Variants in ADCY7 observed in about 807,000 individuals in gnomAD.
ADCY7 encodes adenylate cyclase 7, also known as adenylate cyclase type 7.
In ADCY7, 72 loss-of-function variants were observed where a neutral mutation model predicts 120.6. The ratio of observed to expected loss-of-function variants is 0.60; its 90% CI spans 0.49 to 0.73. The LOEUF is 0.73. Among genes scored for constraint, ADCY7 ranks in the 30% least tolerant of loss-of-function variants. The pLI, the probability that ADCY7 is intolerant of heterozygous loss-of-function variation, is 0.00. For missense variants in ADCY7, 1,227 were observed against 1,486.0 expected (o/e 0.83, Z 2.87); for synonymous variants, 661 against 628.0 (o/e 1.05, Z -0.78).
intron 1 of ADCY7, among the ~76,000 whole-genome samples, chr16:50,287,429 T>C (rs1020993830): frequency 1.1e-4 from 16 of 151,446 alleles, no homozygotes; most frequent in Non-Finnish European, 1.9e-4. Context: ...GGCTCATGCC[T>C]GTTATCCCAG....
chr16:50,269,320 A>T (rs1056912674), intron 1 of ADCY7, among the ~76,000 whole-genome samples: 3 of 152,176 alleles, frequency 2.0e-5, no homozygotes, highest in Non-Finnish European at 4.4e-5. Flanking sequence ...GGGCCAGCAC[A>T]CTGTGTCTTT....
intron 20 of ADCY7, 76 bp downstream of exon 20, chr16:50,311,862 T>TG: frequency 8.4e-7 from 1 of 1,186,784 alleles, no homozygotes. Flanking sequence ...TGGGGTGGGG[T>TG]GGGGTGGGCT....
chr16:50,259,750 A>G (rs1221904531), intron 1 of ADCY7, among the ~76,000 whole-genome samples: 1 of 152,166 alleles, frequency 6.6e-6, no homozygotes, highest in Non-Finnish European at 1.5e-5. Flanking sequence ...TACTTAGAAT[A>G]TGTGTTCATT....
chr16:50,257,182 C>T (rs561958110), intron 1 of ADCY7, among the ~76,000 whole-genome samples: 3 of 152,084 alleles, frequency 2.0e-5, no homozygotes, highest in African/African-American at 4.8e-5. Flanking sequence ...GAGTTCAAAA[C>T]GCATGGGCAA....
chr16:50,253,049 G>A lies in ADCY7; in HGVS notation c.-64+6846G>A, dbSNP rs114224500. Among the ~76,000 whole-genome samples the A allele has an allele frequency of 6.4e-3, 973 of 152,256 alleles. 12 individuals carry two copies. The highest frequency in any genetic ancestry group is 0.022 in the African/African-American group (932 of 41,550). ...GGGTGTGGAGTTGGGGGTCAGGGAG[G>A]TTAAAGTGTTACAGACATCAGCAGC... On this transcript the variant is annotated intron_variant, in intron 1 of 4. Coordinates refer to the ADCY7 transcript ENST00000564044.
In ADCY7 at chr16:50,288,108, G is replaced by T. The variant is rs1316480545; in HGVS notation, c.-72G>T. Reference sequence around the variant, plus strand: ...CCTAGGCCCACGGGGGAGGGTGTTGGCAGACAGATGCCCTCCAGGCCCTGG... The same window carrying T: ...CCTAGGCCCACGGGGGAGGGTGTTGTCAGACAGATGCCCTCCAGGCCCTGG... On this transcript the variant is annotated 5_prime_UTR_variant, in exon 2 of 26. Coordinates refer to ENST00000673801, the MANE Select transcript of ADCY7 (RefSeq NM_001114.5). The T allele has an allele frequency of 6.8e-7, 1 of 1,469,194 alleles. No homozygotes were observed. The highest frequency in any genetic ancestry group is 1.4e-5 in the African/African-American group (1 of 70,806). The allele number at this position is 1,469,194 out of a possible 1,614,324, so 91.0% of individuals were successfully genotyped here.
In ADCY7 at chr16:50,297,954, G is replaced by A. The variant is rs1200123642; in HGVS notation, c.949-950G>A. Among the ~76,000 whole-genome samples, 1 of 152,052 alleles carries A rather than the reference G, an allele frequency of 6.6e-6. No individual in the cohort carries two copies. Among genetic ancestry groups the A allele is most frequent in the Admixed American group, 6.5e-5 (1 of 15,272 alleles). ...CTAAAGCCCCACCCATGAGGCCTCG[G>A]TGCATGTGGCCACCCTTGCTGAGGG... On this transcript the variant is annotated intron_variant, in intron 7 of 25. Transcript: ENST00000673801. The surrounding 1 kb of genome is among the most constrained non-coding windows in gnomAD (Gnocchi z 4.4).
intron 1 of ADCY7, among the ~76,000 whole-genome samples, chr16:50,287,473 A>G (rs2034650647): frequency 6.6e-6 from 1 of 151,798 alleles, no homozygotes; most frequent in Non-Finnish European, 1.5e-5. Context: ...GGATTGCTTG[A>G]GCCCACGAGT....
chr16:50,253,651 C>G (rs542367395), intron 1 of ADCY7, among the ~76,000 whole-genome samples: 1 of 152,302 alleles, frequency 6.6e-6, no homozygotes, highest in East Asian at 1.9e-4. Flanking sequence ...GGGCACTGAG[C>G]GCTTTCCACT....
At chr16:50,300,666 T>C in intron 8 of ADCY7, 49 bp from the exon 9 acceptor site, 1 of 1,543,920 alleles carries the variant, frequency 6.5e-7, no homozygotes, top group Non-Finnish European at 8.8e-7. Context: ...AGCTTCAGCC[T>C]GTCCCAGGGC....
In ADCY7 at chr16:50,312,146, G is replaced by A; in HGVS notation, c.2559G>A (p.Leu853=). The part of the protein sequence containing the change: ...NVNRLLLENV[L]PAHVAAHFIG... ...ACCGCCTTCTTCTGGAGAACGTCCTGCCAGCCCACGTGGCTGCCCACTTTA... is the reference window on the plus strand; with the variant it reads ...ACCGCCTTCTTCTGGAGAACGTCCTACCAGCCCACGTGGCTGCCCACTTTA... The change falls in exon 21 of 26, where the codon CTG becomes CTA. Residue 853 remains leucine (L), a synonymous_variant. Transcript: ENST00000673801. 2 of 1,614,232 alleles carry A rather than the reference G, an allele frequency of 1.2e-6. No individual in the cohort carries two copies. Among genetic ancestry groups the A allele is most frequent in the Middle Eastern group, 1.6e-4 (1 of 6,062 alleles).
chr16:50,314,043 C>T lies in ADCY7; in HGVS notation c.2837C>T (p.Ala946Val), dbSNP rs771400923. 23 of 1,614,074 alleles carry T rather than the reference C, an allele frequency of 1.4e-5. No homozygotes were observed. The East Asian group carries it at 4.9e-4, about 34-fold the overall frequency. Residue 946 changes from alanine to valine, a missense_variant, in exon 23 of 26, where the codon GCC becomes GTC. By Grantham distance (64) the Ala-to-Val change is moderately conservative. Transcript: ENST00000673801. Reference protein sequence around the residue: ...TYMAAAGLSVASGHENQELER... With the variant: ...TYMAAAGLSVVSGHENQELER... Reference sequence around the variant, plus strand: ...ATGGCAGCTGCAGGGCTCAGCGTCGCCTCAGGGCACGAGAACCAGGTACTC... The same window carrying T: ...ATGGCAGCTGCAGGGCTCAGCGTCGTCTCAGGGCACGAGAACCAGGTACTC...
chr16:50,286,070 C>T (rs2034561114), intron 1 of ADCY7, among the ~76,000 whole-genome samples: 1 of 151,978 alleles, frequency 6.6e-6, no homozygotes, highest in Non-Finnish European at 1.5e-5. Flanking sequence ...GGCTTGCAGA[C>T]ATCTGAAATT....
chr16:50,296,502 G>T (rs984423277), intron 7 of ADCY7, among the ~76,000 whole-genome samples: 1 of 151,926 alleles, frequency 6.6e-6, no homozygotes, highest in Non-Finnish European at 1.5e-5. Flanking sequence ...GACTACAGGC[G>T]CCTGCCACCA....
rs1427153698 is a variant in ADCY7, at chr16:50,290,616, C to A, written c.331C>A (p.Leu111Met). The change falls in exon 3 of 26, where the codon CTG becomes ATG. Residue 111 changes from leucine (L) to methionine (M), a missense_variant. Transcript: ENST00000673801. ...WACLVALGYVLVFDAWTKAAC... is the reference protein window; with the variant it reads ...WACLVALGYVMVFDAWTKAAC... ...CTGCTTGGTGGCGCTGGGCTATGTG[C>A]TGGTGTTCGACGCATGGACAAAGGC... The A allele has an allele frequency of 6.2e-7, 1 of 1,614,110 alleles. No individual in the cohort carries two copies. Among genetic ancestry groups the A allele is most frequent in the Admixed American group, 1.7e-5 (1 of 60,020 alleles).
intron 1 of ADCY7, among the ~76,000 whole-genome samples, chr16:50,253,577 T>G (rs1251277514): frequency 6.6e-6 from 1 of 152,180 alleles, no homozygotes; most frequent in Non-Finnish European, 1.5e-5. Context: ...TTTCTTACCT[T>G]TGTGGTGCCC....
rs2035467018 is a variant in ADCY7 at position 50,297,989 on chromosome 16, G to A, written c.949-915G>A. 6.6e-6 allele frequency among the ~76,000 whole-genome samples: 1 copy of A among 152,000 alleles called. No individual in the cohort carries two copies. The highest frequency in any genetic ancestry group is 1.5e-5 in the Non-Finnish European group (1 of 67,980). On this transcript the variant is annotated intron_variant, in intron 7 of 25. Coordinates refer to ENST00000673801, the MANE Select transcript of ADCY7 (RefSeq NM_001114.5). The surrounding 1 kb of genome is among the most constrained non-coding windows in gnomAD (Gnocchi z 4.4). ...CCACCCTTGCTGAGGGCTTAAGGAG[G>A]GTCTGGTGACGCAGCAGTGCCTCAG...
chr16:50,283,417 C>A (rs1337635286), intron 1 of ADCY7, among the ~76,000 whole-genome samples: 1 of 152,092 alleles, frequency 6.6e-6, no homozygotes, highest in Admixed American at 6.5e-5. Flanking sequence ...AGGTCACCGA[C>A]AAAAGAGAAC....
At chr16:50,313,661 C>T (rs1322363732) in intron 22 of ADCY7, 7 of 339,176 alleles carry the variant, frequency 2.1e-5, no homozygotes, top group Non-Finnish European at 3.2e-5. Context: ...GAATTCTTTG[C>T]TGGAGACAAA....
Sources: gnomAD v4.1 joint callset for allele counts (sites outside exome capture counted in the v4.1 genomes callset) on GRCh38, gnomAD v4.1.1 for gene constraint, Gnocchi (gnomAD v3.1) non-coding constraint, MANE v1.5 for transcripts, NCBI Gene and HGNC (gene_info 2026-07-23, HGNC 2026-07-21) for gene names.